Variants in ANKRD6 observed in about 807,000 individuals in gnomAD.
ANKRD6 encodes the protein ankyrin repeat domain 6, also known as ankyrin repeat domain-containing protein 6.
ANKRD6 carries 56 observed loss-of-function variants against 82.3 expected under a neutral mutation model. The ratio of observed to expected loss-of-function variants is 0.68; its 90% confidence interval spans 0.55 to 0.85. The LOEUF (loss-of-function observed/expected upper bound fraction) is 0.85. Ranked by LOEUF, ANKRD6 falls within the 40% of genes least tolerant of loss-of-function variation. The pLI is 0.00. For synonymous variants in ANKRD6, 347 were observed against 352.1 expected (o/e 0.99, Z 0.16); for missense variants, 852 against 907.6 (o/e 0.94, Z 0.79).
intron 1 of ANKRD6, among the ~76,000 whole-genome samples, chr6:89,488,885 A>ATTCTATTCT (rs1441279724): frequency 6.6e-6 from 1 of 150,766 alleles, no homozygotes; most frequent in Non-Finnish European, 1.5e-5. Flanking sequence ...ATTCTATTCT[A>ATTCTATTCT]TTCTATTCTA....
chr6:89,588,016 G>T (rs536658492), intron 2 of ANKRD6, among the ~76,000 whole-genome samples: 1 of 152,176 alleles, frequency 6.6e-6, no homozygotes, highest in African/African-American at 2.4e-5. Flanking sequence ...ATAAGCCTGA[G>T]AAGGACTTTG....
chr6:89,629,313 G>A (rs746904614), intron 15 of ANKRD6, 75 bp downstream of exon 15: 10 of 1,589,752 alleles, frequency 6.3e-6, no homozygotes, highest in Non-Finnish European at 8.6e-6. Flanking sequence ...TGCACTGAAA[G>A]GCAGTACGTA....
chr6:89,498,662 C>T (rs1011489429), intron 1 of ANKRD6, among the ~76,000 whole-genome samples: 4 of 152,240 alleles, frequency 2.6e-5, no homozygotes, highest in Middle Eastern at 3.4e-3. Flanking sequence ...GAAGTGAACA[C>T]GGATAATTTC....
chr6:89,606,058 G>A lies in ANKRD6; in HGVS notation c.370G>A (p.Ala124Thr). 1 of 1,594,918 alleles carries A rather than the reference G, an allele frequency of 6.3e-7. No individual in the cohort carries two copies. Among genetic ancestry groups the A allele is most frequent in the Non-Finnish European group, 8.5e-7 (1 of 1,170,458 alleles). Residue 124 changes from alanine (A) to threonine (T), a missense_variant, in exon 5 of 16, where the codon GCC (alanine) becomes ACC (threonine). Coordinates refer to ENST00000339746, the MANE Select transcript of ANKRD6 (RefSeq NM_001242809.2). ...EASWHGFSQS[A>T]KLLIKAGANV... ...ATCCTGGCATGGTTTCAGCCAGTCA[G>A]CCAAGCTGCTCATTAAAGCAGGAGC...
chr6:89,572,680 G>A (rs929553870), intron 2 of ANKRD6, among the ~76,000 whole-genome samples: 10 of 152,018 alleles, frequency 6.6e-5, no homozygotes, highest in Non-Finnish European at 8.8e-5. Flanking sequence ...ATTCCATTTC[G>A]AGTTAATTTT....
intron 1 of ANKRD6, among the ~76,000 whole-genome samples, chr6:89,435,235 G>A (rs1770484331): frequency 6.6e-6 from 1 of 152,146 alleles, no homozygotes; most frequent in Admixed American, 6.6e-5. Flanking sequence ...AAACCTTAGA[G>A]TGCAATGTAA....
At position 89,606,475 on chromosome 6, in the gene ANKRD6, G is replaced by C. The variant is rs147367829; in HGVS notation, c.417+370G>C. ...TGCTAATACCGAAAATTAGTAAAGT[G>C]GGCTCCCCTAGATGCTGCTGGGAAA... is the stretch of plus-strand genomic sequence containing the variant. On this transcript the variant is annotated intron_variant, in intron 5 of 15. Transcript: ENST00000339746. Among the ~76,000 whole-genome samples, 41 of 152,208 alleles carry C rather than the reference G, an allele frequency of 2.7e-4. No homozygotes were observed. The East Asian group carries it at 6.4e-3, about 24-fold the overall frequency.
chr6:89,497,175 C>G (rs150373645), intron 1 of ANKRD6, among the ~76,000 whole-genome samples: 4 of 152,338 alleles, frequency 2.6e-5, no homozygotes, highest in Non-Finnish European at 5.9e-5. Context: ...CAAAAAATTA[C>G]TTTGCAACAA....
intron 3 of ANKRD6, among the ~76,000 whole-genome samples, chr6:89,599,742 A>T (rs1015305703): frequency 2.0e-5 from 3 of 152,180 alleles, no homozygotes; most frequent in African/African-American, 7.2e-5. Context: ...CTCACCTCAG[A>T]GCCTTTAATT....
At chr6:89,464,880 G>A (rs79251270) in intron 1 of ANKRD6, among the ~76,000 whole-genome samples, 8,355 of 152,164 alleles carry the variant, frequency 0.055, 261 homozygotes, top group South Asian at 0.13. Context: ...TTTCAATAAT[G>A]CTATTTGTTT....
intron 1 of ANKRD6, among the ~76,000 whole-genome samples, chr6:89,448,985 G>C (rs1313134773): frequency 6.9e-6 from 1 of 143,904 alleles, no homozygotes; most frequent in Non-Finnish European, 1.5e-5. Context: ...AGCCGAGATC[G>C]CGCCACTGCA....
intron 1 of ANKRD6, among the ~76,000 whole-genome samples, chr6:89,524,275 G>T (rs745907531): frequency 2.6e-5 from 4 of 152,070 alleles, no homozygotes; most frequent in Non-Finnish European, 5.9e-5. Flanking sequence ...ACTGTACCCA[G>T]TGTGTAGTCC....
chr6:89,612,332 C>A lies in ANKRD6; in HGVS notation c.478C>A (p.Leu160Ile). The change falls in exon 6 of 16, where the codon CTC becomes ATC. Residue 160 changes from leucine (L) to isoleucine (I), a missense_variant. Coordinates refer to ENST00000339746, the MANE Select transcript of ANKRD6 (RefSeq NM_001242809.2). ...CAGCCACTCCCAGAGCACGCGCGTC[C>A]TCCTGCTGGCCGGGTCCCGCGCTGA... ...QNSHSQSTRV[L>I]LLAGSRADLK... 6.4e-7 allele frequency: 1 copy of A among 1,565,294 alleles called. No homozygotes were observed. The highest frequency in any genetic ancestry group is 2.4e-5 in the East Asian group (1 of 42,214).
chr6:89,494,270 T>C (rs1411922658), intron 1 of ANKRD6, among the ~76,000 whole-genome samples: 1 of 152,214 alleles, frequency 6.6e-6, no homozygotes, highest in African/African-American at 2.4e-5. Context: ...ACTAACAGGA[T>C]TCCTGCTGAA....
At chr6:89,517,260 T>A (rs530863345) in intron 1 of ANKRD6, among the ~76,000 whole-genome samples, 1 of 152,374 alleles carries the variant, frequency 6.6e-6, no homozygotes, top group Admixed American at 6.5e-5. Flanking sequence ...TTAATTTATC[T>A]GTAACATTTA....
intron 6 of ANKRD6, among the ~76,000 whole-genome samples, chr6:89,613,380 T>TG (rs933663411): frequency 6.6e-6 from 1 of 152,148 alleles, no homozygotes; most frequent in African/African-American, 2.4e-5. Flanking sequence ...GGATCTATGC[T>TG]GGGAAGGGCT....
At chr6:89,589,531 C>T (rs1467635048) in intron 2 of ANKRD6, among the ~76,000 whole-genome samples, 3 of 152,148 alleles carry the variant, frequency 2.0e-5, no homozygotes, top group Non-Finnish European at 1.5e-5. Flanking sequence ...TCCTCACTGG[C>T]GGGAGATCAT....
intron 1 of ANKRD6, among the ~76,000 whole-genome samples, chr6:89,437,850 G>T (rs1193357518): frequency 6.6e-6 from 1 of 152,150 alleles, no homozygotes; most frequent in Non-Finnish European, 1.5e-5. Context: ...CTAGAGTGCA[G>T]TGGTGCAATT....
chr6:89,439,342 C>CA (rs894220148), intron 1 of ANKRD6, among the ~76,000 whole-genome samples: 8 of 147,552 alleles, frequency 5.4e-5, no homozygotes, highest in South Asian at 2.2e-4. Flanking sequence ...ATTCCCCCTT[C>CA]AAAAAAAAAA....
Sources: gnomAD v4.1 joint callset for allele counts (sites outside exome capture counted in the v4.1 genomes callset) on GRCh38, gnomAD v4.1.1 for gene constraint, MANE v1.5 for transcripts, NCBI Gene and HGNC (gene_info 2026-07-23, HGNC 2026-07-21) for gene names.